The following NKAIN2 variants were observed in gnomAD, a reference collection of about 807,000 sequenced individuals.
The protein encoded by NKAIN2 is sodium/potassium-transporting ATPase subunit beta-1-interacting protein 2.
In NKAIN2, 14 loss-of-function variants were observed where a neutral mutation model predicts 32.6. The observed-to-expected ratio is 0.43, with a 90% CI of 0.28 to 0.67. The LOEUF is 0.67. Ranked by LOEUF, NKAIN2 falls within the 30% of genes least tolerant of loss-of-function variation. NKAIN2 has a pLI of 0.17. For missense variants in NKAIN2, 198 were observed against 258.3 expected, an observed-to-expected ratio of 0.77 and a Z score of 1.60; for synonymous variants, 80 against 87.2, an observed-to-expected ratio of 0.92 and a Z score of 0.46.
intron 3 of NKAIN2, among the ~76,000 whole-genome samples, chr6:124,583,566 G>A (rs1781601716): frequency 6.6e-6 from 1 of 152,132 alleles, no homozygotes; most frequent in Admixed American, 6.5e-5. Context: ...GAGTTTCAAT[G>A]TGATCCCTTT....
intron 3 of NKAIN2, among the ~76,000 whole-genome samples, chr6:124,587,123 C>A (rs1583479709): frequency 1.3e-5 from 2 of 152,060 alleles, no homozygotes; most frequent in Non-Finnish European, 2.9e-5. Flanking sequence ...TGCCAAAACA[C>A]TAAAAAAGGT....
intron 1 of NKAIN2, among the ~76,000 whole-genome samples, chr6:124,233,743 CAT>C (rs1270240285): frequency 6.6e-6 from 1 of 152,076 alleles, no homozygotes; most frequent in Non-Finnish European, 1.5e-5. Context: ...CATTACATAA[CAT>C]GTGATGTCTA....
intron 1 of NKAIN2, among the ~76,000 whole-genome samples, chr6:123,974,200 C>T (rs1158280946): frequency 2.6e-5 from 4 of 152,062 alleles, no homozygotes; most frequent in Admixed American, 1.3e-4. Flanking sequence ...TTTGTACCCT[C>T]GATAGCCACC....
intron 1 of NKAIN2, among the ~76,000 whole-genome samples, chr6:124,158,183 G>A (rs962758521): frequency 3.9e-5 from 6 of 152,068 alleles, no homozygotes; most frequent in Non-Finnish European, 7.4e-5. Flanking sequence ...CTCTCTGCTT[G>A]GCTTGCAGAC....
intron 1 of NKAIN2, among the ~76,000 whole-genome samples, chr6:124,058,570 T>C (rs1399339054): frequency 6.6e-6 from 1 of 152,034 alleles, no homozygotes; most frequent in African/African-American, 2.4e-5. Context: ...CTGGGCACAT[T>C]GCTTGCCCTC....
At chr6:124,608,981 C>A (rs1406191309) in intron 3 of NKAIN2, among the ~76,000 whole-genome samples, 1 of 152,116 alleles carries the variant, frequency 6.6e-6, no homozygotes, top group Non-Finnish European at 1.5e-5. Flanking sequence ...GGCTGAAAAT[C>A]AGCTGTCTCT....
chr6:124,452,298 TCA>T (rs1325300158), intron 3 of NKAIN2, among the ~76,000 whole-genome samples: 2 of 151,926 alleles, frequency 1.3e-5, no homozygotes, highest in Non-Finnish European at 1.5e-5. Context: ...TTTGCAAACC[TCA>T]GTTTGTTGAC....
At chr6:124,471,319 A>G (rs1295507164) in intron 3 of NKAIN2, among the ~76,000 whole-genome samples, 1 of 152,112 alleles carries the variant, frequency 6.6e-6, no homozygotes, top group Admixed American at 6.6e-5. Context: ...ATATTCTCCC[A>G]TATATTATTT....
chr6:123,848,158 G>A (rs1293148989), intron 1 of NKAIN2, among the ~76,000 whole-genome samples: 1 of 152,168 alleles, frequency 6.6e-6, no homozygotes, highest in African/African-American at 2.4e-5. Flanking sequence ...TTATCGTGTG[G>A]CTGAAAGACA....
At chr6:124,190,528 A>T (rs527587779) in intron 1 of NKAIN2, among the ~76,000 whole-genome samples, 2 of 152,292 alleles carry the variant, frequency 1.3e-5, no homozygotes, top group South Asian at 4.1e-4. Context: ...TGTTGGAAGG[A>T]TGTGTTCTTT....
chr6:124,107,957 T>G (rs529754944), intron 1 of NKAIN2, among the ~76,000 whole-genome samples: 1 of 152,162 alleles, frequency 6.6e-6, no homozygotes, highest in Non-Finnish European at 1.5e-5. Flanking sequence ...TTTCACATCT[T>G]GGCTATTATA....
intron 1 of NKAIN2, among the ~76,000 whole-genome samples, chr6:124,105,013 A>C (rs1367707675): frequency 1.3e-5 from 2 of 152,152 alleles, no homozygotes; most frequent in African/African-American, 2.4e-5. Context: ...AACATATCTA[A>C]TTGGATGCGG....
chr6:124,596,100 G>A (rs962921133), intron 3 of NKAIN2, among the ~76,000 whole-genome samples: 2 of 152,156 alleles, frequency 1.3e-5, no homozygotes, highest in African/African-American at 4.8e-5. Context: ...AGAATGTTCA[G>A]GTTGTCTATA....
intron 1 of NKAIN2, among the ~76,000 whole-genome samples, chr6:124,045,174 A>G (rs902452784): frequency 5.9e-5 from 9 of 151,836 alleles, no homozygotes; most frequent in African/African-American, 1.4e-4. Context: ...ATATATCAAT[A>G]TATTCTAATA....
At chr6:124,615,413 T>C (rs1782849797) in intron 3 of NKAIN2, among the ~76,000 whole-genome samples, 1 of 152,172 alleles carries the variant, frequency 6.6e-6, no homozygotes, top group Non-Finnish European at 1.5e-5. Context: ...CAGAATACGA[T>C]AACAGAATCC....
chr6:124,266,998 C>T (rs1229269081), intron 1 of NKAIN2, among the ~76,000 whole-genome samples: 1 of 151,582 alleles, frequency 6.6e-6, no homozygotes, highest in Non-Finnish European at 1.5e-5. Flanking sequence ...TAAAGAGATT[C>T]TATAAAGATA....
intron 1 of NKAIN2, among the ~76,000 whole-genome samples, chr6:124,086,295 A>G (rs1784187803): frequency 6.6e-6 from 1 of 151,998 alleles, no homozygotes; most frequent in Admixed American, 6.6e-5. Flanking sequence ...AGTTTGACAA[A>G]CTATATAAAT....
intron 1 of NKAIN2, among the ~76,000 whole-genome samples, chr6:123,952,810 TG>T (rs1777388785): frequency 1.3e-5 from 2 of 152,192 alleles, no homozygotes. Flanking sequence ...TTTTTTGTAT[TG>T]TTCTCTGATA....
chr6:124,280,727 A>C (rs1795251509), intron 1 of NKAIN2, among the ~76,000 whole-genome samples: 1 of 152,172 alleles, frequency 6.6e-6, no homozygotes, highest in Non-Finnish European at 1.5e-5. Context: ...GTGGGAAGGA[A>C]TTCATAGGAA....
Sources: allele counts gnomAD v4.1 joint callset (sites outside exome capture counted in the v4.1 genomes callset), GRCh38; gene constraint gnomAD v4.1.1; transcripts MANE v1.5; gene names NCBI Gene and HGNC (gene_info 2026-07-23, HGNC 2026-07-21).